ENTPD3: variants seen among roughly 807,000 people sequenced by gnomAD.
ENTPD3 encodes ectonucleoside triphosphate diphosphohydrolase 3.
A neutral mutation model predicts 51.2 loss-of-function variants in ENTPD3; 60 were observed. That is an observed-to-expected ratio of 1.17 (90% confidence interval 0.95 to 1.45). The LOEUF is 1.45. Ranked by LOEUF, ENTPD3 falls within the 40% of genes most tolerant of loss-of-function variation. The pLI, the probability that ENTPD3 is intolerant of heterozygous loss-of-function variation, is 0.00. For missense variants in ENTPD3, 593 were observed against 641.1 expected (o/e 0.93, Z 0.81); for synonymous variants, 221 against 238.4 (o/e 0.93, Z 0.67).
rs777209171 is a variant in ENTPD3, at chr3:40,411,889, G to A, written c.364G>A (p.Gly122Arg). The A allele has an allele frequency of 2.2e-5, 35 of 1,612,720 alleles. No homozygotes were observed. Among genetic ancestry groups the A allele is most frequent in the Non-Finnish European group, 2.6e-5 (31 of 1,179,478 alleles). ...AFEECMQKVK[G>R]QVPSHLHGST... The stretch of plus-strand genomic sequence containing the variant: ...TGAGGAGTGTATGCAAAAAGTCAAG[G>A]GGCAGGTTCCATCCCACCTCCACGG... Residue 122 changes from glycine to arginine, a missense_variant, in exon 5 of 11, where the codon GGG (glycine) becomes AGG (arginine). Coordinates refer to ENST00000301825, the MANE Select transcript of ENTPD3 (RefSeq NM_001248.4).
intron 2 of ENTPD3, among the ~76,000 whole-genome samples, chr3:40,389,736 CGT>C (rs1242120006): frequency 6.6e-6 from 1 of 152,194 alleles, no homozygotes; most frequent in African/African-American, 2.4e-5. Flanking sequence ...AGACCTACTG[CGT>C]GACTGCCCTC....
intron 2 of ENTPD3, among the ~76,000 whole-genome samples, chr3:40,389,046 A>G (rs1388911774): frequency 6.6e-6 from 1 of 152,172 alleles, no homozygotes; most frequent in Non-Finnish European, 1.5e-5. Flanking sequence ...GGCAATCTAT[A>G]TGAACTTTTA....
At chr3:40,416,795 T>C (rs1475533412) in intron 7 of ENTPD3, among the ~76,000 whole-genome samples, 1 of 152,128 alleles carries the variant, frequency 6.6e-6, no homozygotes, top group Admixed American at 6.5e-5. Context: ...GGGCCTTGAC[T>C]GCCTAGAGGG....
chr3:40,425,815 T>G (rs912470469), intron 10 of ENTPD3, among the ~76,000 whole-genome samples: 12 of 151,396 alleles, frequency 7.9e-5, no homozygotes, highest in Non-Finnish European at 1.3e-4. Context: ...GGAGAATTGC[T>G]TGAAACTGGG....
intron 3 of ENTPD3, among the ~76,000 whole-genome samples, chr3:40,397,421 A>G (rs1315763334): frequency 6.6e-6 from 1 of 152,118 alleles, no homozygotes; most frequent in African/African-American, 2.4e-5. Flanking sequence ...CGTTAGACTC[A>G]GGCTTGATCC....
At position 40,421,711 on chromosome 3, in the gene ENTPD3, T is replaced by C. The variant is rs530144807; in HGVS notation, c.832-1139T>C. 3.3e-5 allele frequency among the ~76,000 whole-genome samples: 5 copies of C among 152,166 alleles called. No homozygotes were observed. The East Asian group carries it at 9.7e-4, about 29-fold the overall frequency. ...AAAATAGGCCACTGTATAAGTACAA[T>C]GAATGGAAAGATCTCAAAGATATAT... On this transcript the variant is annotated intron_variant, in intron 7 of 10. Coordinates refer to ENST00000301825, the MANE Select transcript of ENTPD3 (RefSeq NM_001248.4).
chr3:40,412,846 T>C (rs1184557378), intron 5 of ENTPD3, among the ~76,000 whole-genome samples: 3 of 152,258 alleles, frequency 2.0e-5, no homozygotes, highest in Non-Finnish European at 4.4e-5. Flanking sequence ...TTGTTTCTAA[T>C]CTGATTTCCT....
At chr3:40,415,309 G>C (rs1955721066) in intron 6 of ENTPD3, among the ~76,000 whole-genome samples, 1 of 152,120 alleles carries the variant, frequency 6.6e-6, no homozygotes, top group Non-Finnish European at 1.5e-5. Flanking sequence ...TTGGTGCAGA[G>C]GAAAGTTGAC....
At chr3:40,419,114 A>T (rs1281956317) in intron 7 of ENTPD3, among the ~76,000 whole-genome samples, 1 of 152,162 alleles carries the variant, frequency 6.6e-6, no homozygotes, top group African/African-American at 2.4e-5. Flanking sequence ...TTACTATCCC[A>T]TAATTTATCA....
rs1479413407 is a variant in ENTPD3 at position 40,423,860 on chromosome 3, A to G, written c.1250A>G (p.Tyr417Cys). Residue 417 changes from tyrosine to cysteine, a missense_variant, in exon 10 of 11, where the codon TAT becomes TGT. Transcript: ENST00000301825. The stretch of plus-strand genomic sequence containing the variant: ...CTGCTCCCCAAATTTGATGAGGTAT[A>G]TGCCCGCTCTTACTGCTTCTCAGCC... ...PLLLPKFDEVYARSYCFSANY... is the reference protein window; with the variant it reads ...PLLLPKFDEVCARSYCFSANY... The G allele has an allele frequency of 1.2e-6, 2 of 1,614,148 alleles. No homozygotes were observed. Among genetic ancestry groups the G allele is most frequent in the Non-Finnish European group, 1.7e-6 (2 of 1,180,022 alleles).
intron 4 of ENTPD3, among the ~76,000 whole-genome samples, chr3:40,404,816 A>T (rs1195352838): frequency 6.6e-6 from 1 of 152,112 alleles, no homozygotes; most frequent in Non-Finnish European, 1.5e-5. Flanking sequence ...GTCTTGGCCA[A>T]ACAGAAGGGG....
intron 7 of ENTPD3, among the ~76,000 whole-genome samples, chr3:40,422,168 C>T (rs74543674): frequency 0.013 from 1,978 of 151,982 alleles, 54 homozygotes; most frequent in African/African-American, 0.045. Context: ...ACCCTTTTCC[C>T]ACCCCTACTT....
rs754864092 is a variant in ENTPD3, at chr3:40,414,787, G to T, written c.544G>T (p.Glu182Ter). The T allele has an allele frequency of 1.9e-6, 3 of 1,614,088 alleles. No individual in the cohort carries two copies. The highest frequency in any genetic ancestry group is 1.7e-6 in the Non-Finnish European group (2 of 1,179,982). ...RGAQIISGQE[E>*]GVYGWITANY... ...TGCTCAAATCATTTCTGGGCAAGAA[G>T]AAGGGGTATATGGATGGATTACAGC... The change falls in exon 6 of 11, where the codon GAA becomes TAA. Residue 182 changes from glutamate (E) to a stop codon, truncating the protein, a stop_gained. Coordinates refer to ENST00000301825, the MANE Select transcript of ENTPD3 (RefSeq NM_001248.4). LOFTEE classifies it high-confidence loss of function.
At chr3:40,402,326 C>T (rs948624894) in intron 4 of ENTPD3, among the ~76,000 whole-genome samples, 8 of 151,812 alleles carry the variant, frequency 5.3e-5, no homozygotes, top group Admixed American at 2.6e-4. Flanking sequence ...ACCATGTTGG[C>T]CAGGCTGGCT....
chr3:40,420,203 A>G (rs1357873672), intron 7 of ENTPD3, among the ~76,000 whole-genome samples: 1 of 151,844 alleles, frequency 6.6e-6, no homozygotes. Flanking sequence ...TAAATAGCCA[A>G]TTGATTAGTT....
At chr3:40,416,224 A>T in intron 7 of ENTPD3, 151 bp downstream of exon 7, 1 of 618,264 alleles carries the variant, frequency 1.6e-6, no homozygotes, top group Non-Finnish European at 2.9e-6. Context: ...TGGGGGTCCA[A>T]GTCCCTTTCC....
intron 5 of ENTPD3, 87 bp from the exon 6 acceptor site, chr3:40,414,594 A>G (rs1955701855): frequency 7.1e-7 from 1 of 1,412,820 alleles, no homozygotes. Context: ...GAGACGGTGA[A>G]GTTTGCATTT....
intron 3 of ENTPD3, among the ~76,000 whole-genome samples, chr3:40,396,579 T>A (rs542374021): frequency 1.3e-5 from 2 of 152,250 alleles, no homozygotes; most frequent in South Asian, 4.2e-4. Context: ...TAAAATGCAG[T>A]CAAGGGGCGA....
chr3:40,412,710 G>A (rs934489984), intron 5 of ENTPD3, among the ~76,000 whole-genome samples: 1 of 152,094 alleles, frequency 6.6e-6, no homozygotes, highest in East Asian at 1.9e-4. Flanking sequence ...TTCCAAGCAC[G>A]CAAAATTATC....
Sources: gnomAD v4.1 joint callset for allele counts (sites outside exome capture counted in the v4.1 genomes callset) on GRCh38, gnomAD v4.1.1 for gene constraint, MANE v1.5 for transcripts, NCBI Gene and HGNC (gene_info 2026-07-23, HGNC 2026-07-21) for gene names.